Variants in RORA observed in about 807,000 individuals in gnomAD.
The protein encoded by RORA is RAR related orphan receptor A.
RORA carries 7 observed loss-of-function variants against 69.5 expected under a neutral mutation model. The ratio of observed to expected loss-of-function variants is 0.10; its 90% CI spans 0.06 to 0.19. The LOEUF (loss-of-function observed/expected upper bound fraction) is 0.19, where lower values mean the gene tolerates loss of function less well. RORA is among the 10% of genes least tolerant of loss of function. The probability of loss-of-function intolerance (pLI) is 1.00; values close to 1 mark genes in which losing one functional copy is unlikely to be tolerated. For synonymous variants in RORA, 261 were observed against 240.8 expected (o/e 1.08, Z -0.78); for missense variants, 457 against 663.0 (o/e 0.69, Z 3.41).
At chr15:61,070,976 T>C (rs1273695106) in intron 1 of RORA, among the ~76,000 whole-genome samples, 1 of 151,894 alleles carries the variant, frequency 6.6e-6, no homozygotes, top group African/African-American at 2.4e-5. Context: ...ATTCTACTTT[T>C]GCTCTCTCCT....
intron 2 of RORA, chr15:60,558,214 G>T (rs2067425578): frequency 6.3e-7 from 1 of 1,595,430 alleles, no homozygotes; most frequent in East Asian, 2.2e-5. Context: ...GAGGCCTTTG[G>T]ATTCACTTAC....
chr15:61,177,893 C>T (rs377238971), intron 1 of RORA, among the ~76,000 whole-genome samples: 3 of 150,984 alleles, frequency 2.0e-5, no homozygotes, highest in South Asian at 2.1e-4. Context: ...ACTCAGGAAG[C>T]GGAGGCTGCA....
intron 1 of RORA, among the ~76,000 whole-genome samples, chr15:61,013,074 C>T (rs765226173): frequency 3.3e-5 from 5 of 152,194 alleles, no homozygotes; most frequent in Non-Finnish European, 7.3e-5. Flanking sequence ...CTTCATGGAG[C>T]ACCAAACTAT....
chr15:60,871,976 T>C lies in RORA; in HGVS notation c.167-193290A>G, dbSNP rs545054729. ...AGGTATGCAGAAACTCTCTGCATTA[T>C]CTTTACAACTCTATGCAAATCTAGA... On this transcript the variant is annotated intron_variant, in intron 1 of 10. Transcript: ENST00000335670. 2.6e-5 allele frequency among the ~76,000 whole-genome samples: 4 copies of C among 152,342 alleles called. No individual in the cohort carries two copies. The East Asian group carries it at 7.7e-4, about 29-fold the overall frequency.
chr15:60,790,974 GC>G (rs956322567), intron 1 of RORA, among the ~76,000 whole-genome samples: 1 of 151,156 alleles, frequency 6.6e-6, no homozygotes, highest in African/African-American at 2.4e-5. Context: ...CCCCCCCATT[GC>G]CCCCCCAAAA....
chr15:60,893,140 A>T (rs1175415739), intron 1 of RORA, among the ~76,000 whole-genome samples: 1 of 152,198 alleles, frequency 6.6e-6, no homozygotes, highest in African/African-American at 2.4e-5. Flanking sequence ...ACATCAAATG[A>T]CCTGCTTCAC....
At chr15:60,665,049 ATACT>A (rs1567147025) in intron 2 of RORA, among the ~76,000 whole-genome samples, 1 of 152,120 alleles carries the variant, frequency 6.6e-6, no homozygotes, top group African/African-American at 2.4e-5. Flanking sequence ...CTAAGGAAAC[ATACT>A]TACATTCTAG....
At chr15:60,592,420 A>G in intron 2 of RORA, 1 of 1,433,374 alleles carries the variant, frequency 7.0e-7, no homozygotes. Flanking sequence ...TACATCATTT[A>G]AGCCGCGGTG....
intron 2 of RORA, among the ~76,000 whole-genome samples, chr15:60,579,049 G>T (rs969309449): frequency 1.4e-4 from 21 of 149,832 alleles, no homozygotes; most frequent in Non-Finnish European, 1.8e-4. Context: ...TTACAGGTGT[G>T]AGCCACCGCG....
intron 1 of RORA, among the ~76,000 whole-genome samples, chr15:60,837,790 C>T (rs1305287913): frequency 6.6e-6 from 1 of 151,968 alleles, no homozygotes; most frequent in African/African-American, 2.4e-5. Context: ...TGTTTCTTCT[C>T]AGGTTGCCAG....
chr15:60,985,070 C>T (rs142376449), intron 1 of RORA, among the ~76,000 whole-genome samples: 1 of 152,246 alleles, frequency 6.6e-6, no homozygotes, highest in Admixed American at 6.5e-5. Context: ...TGTGACTTCA[C>T]ATTGTTACAA....
At chr15:61,019,475 T>A (rs1168761654) in intron 1 of RORA, among the ~76,000 whole-genome samples, 2 of 152,192 alleles carry the variant, frequency 1.3e-5, no homozygotes, top group Non-Finnish European at 2.9e-5. Context: ...TCTGTGCAAT[T>A]TTAACCAGGC....
chr15:61,177,140 A>T (rs1156817484), intron 1 of RORA, among the ~76,000 whole-genome samples: 1 of 152,202 alleles, frequency 6.6e-6, no homozygotes, highest in Non-Finnish European at 1.5e-5. Context: ...AGGAGTTCTG[A>T]TGTTTAATTC....
Position 60,614,479 on chromosome 15 carries a change from T to G in RORA, c.196+64178A>C, listed in dbSNP as rs28445437. ...ATTAAGGTTGATTCTTTTGGAGTGT[T>G]TCTGTGTATTTTTGAGGAAAAGAGG... On this transcript the variant is annotated intron_variant, in intron 2 of 10. Transcript: ENST00000335670. Among the ~76,000 whole-genome samples the G allele has an allele frequency of 3.4e-3, 514 of 152,104 alleles. 6 individuals are homozygous for G. Among genetic ancestry groups the G allele is most frequent in the African/African-American group, 0.011 (452 of 41,488 alleles).
intron 2 of RORA, chr15:60,557,948 C>T (rs1000488884): frequency 1.6e-4 from 41 of 259,114 alleles, no homozygotes; most frequent in Admixed American, 7.0e-4. Flanking sequence ...AATTTTGAAT[C>T]GAATTTACTT....
intron 1 of RORA, among the ~76,000 whole-genome samples, chr15:60,932,084 A>G (rs577503020): frequency 6.6e-6 from 1 of 152,010 alleles, no homozygotes; most frequent in Non-Finnish European, 1.5e-5. Flanking sequence ...GGCAACTTCT[A>G]TTTGGAATAA....
chr15:60,931,941 G>C (rs1006060966), intron 1 of RORA, among the ~76,000 whole-genome samples: 7 of 152,108 alleles, frequency 4.6e-5, no homozygotes, highest in Admixed American at 3.9e-4. Flanking sequence ...TAAACATAAT[G>C]AAATGCCAGA....
intron 1 of RORA, among the ~76,000 whole-genome samples, chr15:60,929,487 T>A (rs553788717): frequency 6.6e-6 from 1 of 152,226 alleles, no homozygotes; most frequent in Admixed American, 6.5e-5. Context: ...CTCCTGGTTC[T>A]GCAAAAGGCG....
At chr15:61,083,580 C>T (rs1468112132) in intron 1 of RORA, among the ~76,000 whole-genome samples, 2 of 151,970 alleles carry the variant, frequency 1.3e-5, no homozygotes. Flanking sequence ...CCCCAGAATA[C>T]ACTGTTGCCG....
Sources: allele counts gnomAD v4.1 joint callset (sites outside exome capture counted in the v4.1 genomes callset), GRCh38; gene constraint gnomAD v4.1.1; transcripts MANE v1.5; gene names NCBI Gene and HGNC (gene_info 2026-07-23, HGNC 2026-07-21).